Variants in LINGO2 observed in about 807,000 individuals in gnomAD.
LINGO2 encodes the protein leucine-rich repeat and immunoglobulin-like domain-containing nogo receptor-interacting protein 2.
In LINGO2, 14 loss-of-function variants were observed where a neutral mutation model predicts 30.6. The ratio of observed to expected loss-of-function variants is 0.46; its 90% CI spans 0.30 to 0.72. LINGO2 has a LOEUF of 0.72. Ranked by LOEUF, LINGO2 falls within the 30% of genes least tolerant of loss-of-function variation. The pLI is 0.07. For synonymous variants in LINGO2, 317 were observed against 288.5 expected, an observed-to-expected ratio of 1.10 and a Z score of -1.00; for missense variants, 729 against 751.7, an observed-to-expected ratio of 0.97 and a Z score of 0.35.
At chr9:28,111,641 G>C (rs971656554) in intron 4 of LINGO2, among the ~76,000 whole-genome samples, 10 of 152,020 alleles carry the variant, frequency 6.6e-5, no homozygotes, top group Non-Finnish European at 1.5e-5. Context: ...CTTTCTGCAA[G>C]GATCTTAAAA....
intron 3 of LINGO2, among the ~76,000 whole-genome samples, chr9:28,357,314 A>AGC (rs1422736008): frequency 2.4e-5 from 1 of 42,176 alleles, no homozygotes; most frequent in African/African-American, 1.3e-4. Flanking sequence ...ACAGAAATAA[A>AGC]GCCCACCCCC....
intron 2 of LINGO2, among the ~76,000 whole-genome samples, chr9:28,426,377 G>T (rs1823414555): frequency 6.6e-6 from 1 of 151,992 alleles, no homozygotes. Flanking sequence ...ATCTGAAAAA[G>T]AAGTAACATT....
chr9:28,052,452 G>A (rs1824720633), intron 4 of LINGO2, among the ~76,000 whole-genome samples: 1 of 152,058 alleles, frequency 6.6e-6, no homozygotes, highest in East Asian at 1.9e-4. Context: ...GCACATTTCT[G>A]GGACTTCTGG....
chr9:28,621,619 T>C (rs1473252681), intron 1 of LINGO2, among the ~76,000 whole-genome samples: 2 of 152,070 alleles, frequency 1.3e-5, no homozygotes, highest in African/African-American at 4.8e-5. Flanking sequence ...ATTGGTTTTT[T>C]GGCATGGTGT....
chr9:28,414,157 T>C (rs922573966), intron 2 of LINGO2, among the ~76,000 whole-genome samples: 39 of 151,972 alleles, frequency 2.6e-4, no homozygotes, highest in African/African-American at 9.2e-4. Flanking sequence ...CTTCTAGCTA[T>C]CAAAATAAAA....
At chr9:28,233,498 G>T (rs1007239282) in intron 4 of LINGO2, among the ~76,000 whole-genome samples, 2 of 149,432 alleles carry the variant, frequency 1.3e-5, no homozygotes, top group Non-Finnish European at 2.9e-5. Flanking sequence ...ACATGCAAAA[G>T]CCTGACTTGA....
chr9:27,949,891 G>T, exon 6 of LINGO2: 1 of 1,614,084 alleles, frequency 6.2e-7, no homozygotes, highest in Non-Finnish European at 8.5e-7. Context: ...ACAGTAGACA[G>T]ATTGGTGTTG....
intron 2 of LINGO2, among the ~76,000 whole-genome samples, chr9:28,377,524 A>T (rs1444018534): frequency 1.3e-5 from 2 of 152,152 alleles, no homozygotes; most frequent in African/African-American, 4.8e-5. Flanking sequence ...TAGAAAAGTT[A>T]TACACAGATT....
chr9:28,420,997 G>A (rs1823171334), intron 2 of LINGO2, among the ~76,000 whole-genome samples: 1 of 151,900 alleles, frequency 6.6e-6, no homozygotes, highest in African/African-American at 2.4e-5. Context: ...TAATATAGTT[G>A]GTGATTGTAT....
chr9:28,920,525 C>A, the LINGO2 span, among the ~76,000 whole-genome samples: 1 of 152,076 alleles, frequency 6.6e-6, no homozygotes, highest in African/African-American at 2.4e-5. Context: ...ACTATCATTA[C>A]CCTTTCCTAG....
At chr9:28,979,007 C>A in the LINGO2 span, among the ~76,000 whole-genome samples, 1 of 151,976 alleles carries the variant, frequency 6.6e-6, no homozygotes, top group African/African-American at 2.4e-5. Flanking sequence ...AGACTGAGCA[C>A]TAAAAAACAG....
At chr9:28,213,032 T>G (rs1414201749) in intron 4 of LINGO2, among the ~76,000 whole-genome samples, 3 of 151,572 alleles carry the variant, frequency 2.0e-5, no homozygotes, top group African/African-American at 7.2e-5. Context: ...TATCTGTAAT[T>G]TTTTCATGGT....
the LINGO2 span, among the ~76,000 whole-genome samples, chr9:28,774,911 T>C: frequency 6.6e-6 from 1 of 152,188 alleles, no homozygotes; most frequent in South Asian, 2.1e-4. Context: ...GACCTTAAAC[T>C]TGACTGTTTA....
intron 5 of LINGO2, among the ~76,000 whole-genome samples, chr9:27,984,921 G>A (rs1018840325): frequency 3.3e-5 from 5 of 151,872 alleles, no homozygotes; most frequent in Admixed American, 2.6e-4. Context: ...TTTTAGGCAG[G>A]AAAAGGAAAT....
chr9:28,687,745 G>A, the LINGO2 span, among the ~76,000 whole-genome samples: 918 of 152,024 alleles, frequency 6.0e-3, 9 homozygotes, highest in African/African-American at 0.021. Flanking sequence ...TGACAATTAT[G>A]GTGATTTTTT....
the LINGO2 span, among the ~76,000 whole-genome samples, chr9:28,886,035 G>A: frequency 6.6e-6 from 1 of 152,054 alleles, no homozygotes; most frequent in African/African-American, 2.4e-5. Flanking sequence ...CCTATGGTGG[G>A]CAAATAAAAA....
At chr9:28,900,464 G>T in the LINGO2 span, among the ~76,000 whole-genome samples, 2 of 152,138 alleles carry the variant, frequency 1.3e-5, no homozygotes, top group African/African-American at 4.8e-5. Context: ...CAGCCTCAAG[G>T]AACCAGTCTC....
the LINGO2 span, among the ~76,000 whole-genome samples, chr9:29,195,362 T>G: frequency 3.4e-5 from 5 of 148,634 alleles, no homozygotes; most frequent in African/African-American, 7.3e-5. Context: ...TGTGTGTGTG[T>G]GGGTGTGTGT....
At chr9:28,000,814 T>C (rs745919405) in intron 5 of LINGO2, among the ~76,000 whole-genome samples, 2 of 152,226 alleles carry the variant, frequency 1.3e-5, no homozygotes, top group Non-Finnish European at 2.9e-5. Context: ...TCTAGCCTGA[T>C]AGAAACTTTA....
Sources: gnomAD v4.1 joint callset for allele counts (sites outside exome capture counted in the v4.1 genomes callset) on GRCh38, gnomAD v4.1.1 for gene constraint, MANE v1.5 for transcripts, NCBI Gene and HGNC (gene_info 2026-07-23, HGNC 2026-07-21) for gene names.